OGDH: variants seen among roughly 807,000 people sequenced by gnomAD.
The protein encoded by OGDH is 2-oxoglutarate dehydrogenase complex component E1.
In OGDH, 38 loss-of-function variants were observed where a neutral mutation model predicts 116.6. That is an observed-to-expected ratio of 0.33 (90% CI 0.25 to 0.43). The LOEUF (loss-of-function observed/expected upper bound fraction) is 0.43, where lower values mean the gene tolerates loss of function less well. OGDH is among the 20% of genes least tolerant of loss of function. The probability of loss-of-function intolerance (pLI) is 1.00; values close to 1 mark genes in which losing one functional copy is unlikely to be tolerated. For missense variants in OGDH, 825 were observed against 1,357.2 expected, an observed-to-expected ratio of 0.61 and a Z score of 6.16; for synonymous variants, 488 against 533.3, an observed-to-expected ratio of 0.92 and a Z score of 1.17.
At chr7:44,617,450 A>G (rs1784849055) in intron 1 of OGDH, among the ~76,000 whole-genome samples, 1 of 152,106 alleles carries the variant, frequency 6.6e-6, no homozygotes, top group Non-Finnish European at 1.5e-5. Context: ...CTGCAGGCTC[A>G]ACAATTGTTT....
intron 20 of OGDH, among the ~76,000 whole-genome samples, chr7:44,702,199 G>C (rs1788863873): frequency 6.6e-6 from 1 of 152,160 alleles, no homozygotes; most frequent in African/African-American, 2.4e-5. Flanking sequence ...TGCCCCCAAG[G>C]ACTCCACTAG....
At chr7:44,665,356 G>A (rs1787141313) in intron 4 of OGDH, among the ~76,000 whole-genome samples, 1 of 148,806 alleles carries the variant, frequency 6.7e-6, no homozygotes, top group South Asian at 2.1e-4. Context: ...AAAATGTAGA[G>A]TTTGCTTTTA....
intron 2 of OGDH, 24 bp from the exon 3 acceptor site, chr7:44,645,303 A>G: frequency 6.2e-7 from 1 of 1,608,522 alleles, no homozygotes; most frequent in Non-Finnish European, 8.5e-7. Flanking sequence ...CAGTGAGGTA[A>G]CCCTGTACCT....
intron 2 of OGDH, among the ~76,000 whole-genome samples, chr7:44,642,448 A>G: frequency 6.6e-6 from 1 of 151,854 alleles, no homozygotes; most frequent in East Asian, 1.9e-4. Flanking sequence ...AAAGAAAAGG[A>G]AAGTTTGCAG....
chr7:44,623,120 G>T (rs1220840497), intron 1 of OGDH, among the ~76,000 whole-genome samples: 1 of 152,140 alleles, frequency 6.6e-6, no homozygotes, highest in Non-Finnish European at 1.5e-5. Flanking sequence ...TGCAGAAGGT[G>T]GCAGGCAGGA....
chr7:44,647,173 T>C (rs1413576976), intron 3 of OGDH, among the ~76,000 whole-genome samples: 2 of 152,254 alleles, frequency 1.3e-5, no homozygotes, highest in Non-Finnish European at 2.9e-5. Flanking sequence ...TGTTTATCCA[T>C]GGAAACTGTA....
intron 19 of OGDH, among the ~76,000 whole-genome samples, chr7:44,701,018 C>T (rs571143622): frequency 2.6e-5 from 4 of 152,164 alleles, no homozygotes; most frequent in South Asian, 2.1e-4. Context: ...AGCGAGACTC[C>T]GTCTCAAAAA....
chr7:44,647,735 A>G lies in OGDH; in HGVS notation c.493A>G (p.Ile165Val), dbSNP rs769035402. 17 of 1,613,934 alleles carry G rather than the reference A, an allele frequency of 1.1e-5. No individual in the cohort carries two copies. The highest frequency in any genetic ancestry group is 1.4e-5 in the Non-Finnish European group (16 of 1,179,958). ...TCTGGACTCCTCCGTGCCCGCTGAC[A>G]TTATCTCATCCACAGACAAACTTGG... ...ADLDSSVPAD[I>V]ISSTDKLGFY... The change falls in exon 4 of 23, where the codon ATT becomes GTT. Residue 165 changes from isoleucine (I) to valine (V), a missense_variant. Ile to Val is a conservative substitution (Grantham distance 29, BLOSUM62 3). Coordinates refer to ENST00000222673, the MANE Select transcript of OGDH (RefSeq NM_002541.4).
intron 2 of OGDH, among the ~76,000 whole-genome samples, chr7:44,641,839 T>G (rs1383619013): frequency 3.3e-5 from 5 of 152,218 alleles, no homozygotes; most frequent in Non-Finnish European, 5.9e-5. Flanking sequence ...CCAGTGTATT[T>G]GTGCACAGCC....
chr7:44,657,185 G>C (rs146783854), intron 4 of OGDH, among the ~76,000 whole-genome samples: 1 of 152,248 alleles, frequency 6.6e-6, no homozygotes, highest in Non-Finnish European at 1.5e-5. Flanking sequence ...GATAAAGTAA[G>C]ACTCTAGACA....
intron 3 of OGDH, chr7:44,647,449 G>A: frequency 3.9e-6 from 6 of 1,537,300 alleles, no homozygotes; most frequent in Non-Finnish European, 4.4e-6. Context: ...TCCAGGTCAG[G>A]GGTCACCACA....
chr7:44,672,077 A>G (rs1476455468), intron 5 of OGDH, among the ~76,000 whole-genome samples: 1 of 152,058 alleles, frequency 6.6e-6, no homozygotes, highest in African/African-American at 2.4e-5. Context: ...TCAAAAATAA[A>G]TAAATTAATT....
At chr7:44,673,980 A>G (rs1389327070) in intron 6 of OGDH, 39 bp downstream of exon 6, 1 of 1,612,378 alleles carries the variant, frequency 6.2e-7, no homozygotes. Flanking sequence ...AGACATTCCC[A>G]GGGAAGCAGT....
At chr7:44,615,809 C>T (rs956361653) in intron 1 of OGDH, among the ~76,000 whole-genome samples, 1 of 152,100 alleles carries the variant, frequency 6.6e-6, no homozygotes, top group Non-Finnish European at 1.5e-5. Flanking sequence ...GAGTCTGACA[C>T]TTGAGGTCAG....
chr7:44,681,841 A>ACAACCAGGTACCTCACAC lies in OGDH; in HGVS notation c.1331_1335+13dup. 6.2e-7 allele frequency: 1 copy of ACAACCAGGTACCTCACAC among 1,614,172 alleles called. No individual in the cohort carries two copies. Among genetic ancestry groups the ACAACCAGGTACCTCACAC allele is most frequent in the Non-Finnish European group, 8.5e-7 (1 of 1,180,024 alleles). On this transcript the variant is annotated inframe_insertion, in exon 10 of 23. Transcript: ENST00000222673. Reference sequence around the variant, plus strand: ...CATGGCACCGTGCACGTGGTCGTCAACAACCAGGTACCTCACACCAGCCTG... The same window carrying ACAACCAGGTACCTCACAC: ...CATGGCACCGTGCACGTGGTCGTCAACAACCAGGTACCTCACACCAACCAGGTACCTCACACCAGCCTG...
chr7:44,638,320 AAAGT>A (rs1258310490), intron 2 of OGDH, among the ~76,000 whole-genome samples: 1 of 152,184 alleles, frequency 6.6e-6, no homozygotes, highest in Non-Finnish European at 1.5e-5. Flanking sequence ...GCCAAGTACT[AAAGT>A]AAGGCCCAAA....
At chr7:44,680,066 G>A (rs568632218) in intron 9 of OGDH, among the ~76,000 whole-genome samples, 32 of 152,242 alleles carry the variant, frequency 2.1e-4, no homozygotes, top group African/African-American at 7.5e-4. Flanking sequence ...GCCAAAATTA[G>A]CCAGGCATGG....
In OGDH at chr7:44,691,981, T is replaced by TAAAAAAAAA. The variant is rs371665967; in HGVS notation, c.1336-1828_1336-1820dup. Among the ~76,000 whole-genome samples the TAAAAAAAAA allele has an allele frequency of 1.2e-3, 126 of 102,586 alleles. 3 individuals are homozygous for TAAAAAAAAA. The highest frequency in any genetic ancestry group is 5.4e-3 in the East Asian group (17 of 3,148). The allele number at this position is 102,586 out of a possible 152,430, so 67.3% of individuals were successfully genotyped here. Reference sequence around the variant, plus strand: ...TGGGAGTCACAATGAGACTCTGTCTTAAAAAAAAAAAAAAAAAAAAAAAAG... The same window carrying TAAAAAAAAA: ...TGGGAGTCACAATGAGACTCTGTCTTAAAAAAAAAAAAAAAAAAAAAAAAAAAAAAAAAG... On this transcript the variant is annotated intron_variant, in intron 10 of 22. Transcript: ENST00000222673.
intron 1 of OGDH, among the ~76,000 whole-genome samples, chr7:44,619,193 A>G (rs79662346): frequency 0.014 from 2,073 of 152,320 alleles, 21 homozygotes; most frequent in Non-Finnish European, 0.022. Flanking sequence ...TTTGAAAAAA[A>G]CAGTAGATGT....
Sources: allele counts gnomAD v4.1 joint callset (sites outside exome capture counted in the v4.1 genomes callset), GRCh38; gene constraint gnomAD v4.1.1; transcripts MANE v1.5; gene names NCBI Gene and HGNC (gene_info 2026-07-23, HGNC 2026-07-21).